ASIC2: variants seen among roughly 807,000 people sequenced by gnomAD.
The protein encoded by ASIC2 is acid-sensing ion channel 2.
ASIC2 carries 25 observed loss-of-function variants against 57.3 expected under a neutral mutation model. That is an observed-to-expected ratio of 0.44 (90% CI 0.32 to 0.61). ASIC2 has a LOEUF of 0.61. ASIC2 is among the 20% of genes least tolerant of loss of function. The pLI is 0.06. For synonymous variants in ASIC2, 319 were observed against 307.5 expected (o/e 1.04, Z -0.39); for missense variants, 641 against 738.1 (o/e 0.87, Z 1.52).
At chr17:33,524,698 C>A (rs9911117) in intron 1 of ASIC2, among the ~76,000 whole-genome samples, 1 of 151,730 alleles carries the variant, frequency 6.6e-6, no homozygotes, top group Non-Finnish European at 1.5e-5. Context: ...CAGTTTGAGT[C>A]CCTCCACCTC....
intron 3 of ASIC2, among the ~76,000 whole-genome samples, chr17:33,059,075 CA>C (rs145443032): frequency 0.016 from 2,416 of 152,030 alleles, 51 homozygotes; most frequent in African/African-American, 0.053. Context: ...AACCAAAAAC[CA>C]AAAACCAAAC....
chr17:33,281,310 T>C (rs1358879495), intron 1 of ASIC2, among the ~76,000 whole-genome samples: 2 of 152,234 alleles, frequency 1.3e-5, no homozygotes, highest in Non-Finnish European at 2.9e-5. Flanking sequence ...AGTCTACTTT[T>C]GTACGGCCTT....
In ASIC2 at chr17:33,058,977, C is replaced by T. The variant is rs986856376; in HGVS notation, c.987+29886G>A. On this transcript the variant is annotated intron_variant, in intron 3 of 9. Coordinates refer to ENST00000225823, the MANE Select transcript of ASIC2 (RefSeq NM_183377.2). The stretch of plus-strand genomic sequence containing the variant: ...GTTAAAATGATGGATATGGAGAGTA[C>T]GTTGGATCAAGGAAATGACACTTCC... Among the ~76,000 whole-genome samples, 5 of 151,914 alleles carry T rather than the reference C, an allele frequency of 3.3e-5. No individual in the cohort carries two copies. In the East Asian group the frequency reaches 5.8e-4, roughly 18 times the overall value.
At chr17:33,322,067 CAG>C (rs1337725497) in intron 1 of ASIC2, among the ~76,000 whole-genome samples, 1 of 152,182 alleles carries the variant, frequency 6.6e-6, no homozygotes, top group Non-Finnish European at 1.5e-5. Flanking sequence ...TGACACATAA[CAG>C]TGGTGGAACC....
chr17:33,134,476 G>A (rs969718426), intron 1 of ASIC2, among the ~76,000 whole-genome samples: 18 of 152,242 alleles, frequency 1.2e-4, no homozygotes, highest in African/African-American at 4.3e-4. Context: ...GGCAAACTGG[G>A]ATGTAGTCCC....
At chr17:33,921,744 G>A (rs953747796) in intron 1 of ASIC2, among the ~76,000 whole-genome samples, 11 of 152,182 alleles carry the variant, frequency 7.2e-5, no homozygotes, top group African/African-American at 2.7e-4. Context: ...GGGGAGTTAC[G>A]ACCACAGTGC....
At chr17:33,899,813 C>T (rs1597922204) in intron 1 of ASIC2, among the ~76,000 whole-genome samples, 1 of 152,146 alleles carries the variant, frequency 6.6e-6, no homozygotes, top group African/African-American at 2.4e-5. Flanking sequence ...TCCTTACCAC[C>T]AGCACTTAAC....
In ASIC2 at chr17:34,072,954, C is replaced by T. The variant is rs553586211; in HGVS notation, c.555+83024G>A. Among the ~76,000 whole-genome samples, 7 of 152,134 alleles carry T rather than the reference C, an allele frequency of 4.6e-5. No individual in the cohort carries two copies. The South Asian group carries it at 6.2e-4, about 14-fold the overall frequency. ...TTTTGTAATTTCAAAGAGAGGTCAG[C>T]GTAGACACATAGAGTCAATGAGAAA... On this transcript the variant is annotated intron_variant, in intron 1 of 9. Coordinates refer to the ASIC2 transcript ENST00000359872.
At chr17:33,759,200 T>G (rs757823073) in intron 1 of ASIC2, among the ~76,000 whole-genome samples, 4 of 152,072 alleles carry the variant, frequency 2.6e-5, no homozygotes, top group Non-Finnish European at 5.9e-5. Context: ...GAAACTGGAG[T>G]AAAGGCCATC....
intron 1 of ASIC2, among the ~76,000 whole-genome samples, chr17:33,926,894 C>G (rs1915833240): frequency 6.6e-6 from 1 of 152,138 alleles, no homozygotes; most frequent in Admixed American, 6.5e-5. Context: ...ACAGAATTTT[C>G]CACTTGCACT....
At chr17:33,196,667 C>T (rs1341233208) in intron 1 of ASIC2, among the ~76,000 whole-genome samples, 1 of 152,232 alleles carries the variant, frequency 6.6e-6, no homozygotes, top group Non-Finnish European at 1.5e-5. Context: ...GTGGCAGTGC[C>T]TCATGTCAGG....
intron 1 of ASIC2, among the ~76,000 whole-genome samples, chr17:33,122,905 A>G (rs1483960032): frequency 1.3e-5 from 2 of 150,734 alleles, no homozygotes; most frequent in Non-Finnish European, 3.0e-5. Context: ...AACATCACAA[A>G]TCATCGGAGA....
In ASIC2 at chr17:33,267,094, T is replaced by A. The variant is rs184401733; in HGVS notation, c.708+24314A>T. Among the ~76,000 whole-genome samples, 15 of 152,224 alleles carry A rather than the reference T, an allele frequency of 9.9e-5. No homozygotes were observed. The East Asian group carries it at 2.9e-3, about 29-fold the overall frequency. On this transcript the variant is annotated intron_variant, in intron 1 of 9. Coordinates refer to ENST00000225823, the MANE Select transcript of ASIC2 (RefSeq NM_183377.2). ...ACTTTAACATGGGTAGAAGTTTGGT[T>A]AAGGATGGGGCAGGAACAAGAAAAA...
At chr17:33,329,168 AT>A (rs1412940656) in intron 1 of ASIC2, among the ~76,000 whole-genome samples, 1 of 152,186 alleles carries the variant, frequency 6.6e-6, no homozygotes, top group Non-Finnish European at 1.5e-5. Context: ...TCCCAGCACC[AT>A]TACTTATTGA....
At chr17:33,104,294 C>A (rs191857402) in intron 2 of ASIC2, among the ~76,000 whole-genome samples, 2 of 152,304 alleles carry the variant, frequency 1.3e-5, no homozygotes, top group Non-Finnish European at 2.9e-5. Context: ...TAATCAGAAG[C>A]CTAGAATGTC....
chr17:33,901,152 T>C (rs996688263), intron 1 of ASIC2, among the ~76,000 whole-genome samples: 5 of 152,170 alleles, frequency 3.3e-5, no homozygotes, highest in African/African-American at 1.2e-4. Context: ...ATTCCTTGCA[T>C]TCTATCCTGT....
intron 1 of ASIC2, among the ~76,000 whole-genome samples, chr17:33,420,835 T>C (rs369135089): frequency 1.3e-5 from 2 of 152,202 alleles, no homozygotes; most frequent in African/African-American, 4.8e-5. Flanking sequence ...CAGCCTGCCA[T>C]GCCACAGGAT....
intron 1 of ASIC2, among the ~76,000 whole-genome samples, chr17:33,598,544 T>C (rs1376962246): frequency 6.6e-6 from 1 of 152,060 alleles, no homozygotes; most frequent in African/African-American, 2.4e-5. Context: ...TATGTGAAAA[T>C]GTCAGGGCTG....
At chr17:33,762,170 T>TG (rs538713451) in intron 1 of ASIC2, among the ~76,000 whole-genome samples, 97 of 152,104 alleles carry the variant, frequency 6.4e-4, no homozygotes, top group African/African-American at 2.1e-3. Context: ...GCTGTGGAGG[T>TG]GGCACAGCCC....
Sources: allele counts gnomAD v4.1 joint callset (sites outside exome capture counted in the v4.1 genomes callset), GRCh38; gene constraint gnomAD v4.1.1; transcripts MANE v1.5; gene names NCBI Gene and HGNC (gene_info 2026-07-23, HGNC 2026-07-21).